The following INO80 variants were observed in gnomAD, a reference collection of about 807,000 sequenced individuals.
INO80 encodes the protein chromatin-remodeling ATPase INO80.
A neutral mutation model predicts 203.4 loss-of-function variants in INO80; 20 were observed. The ratio of observed to expected loss-of-function variants is 0.10; its 90% confidence interval spans 0.07 to 0.14. INO80 has a LOEUF of 0.14. INO80 is among the 10% of genes least tolerant of loss of function. The pLI is 1.00. For missense variants in INO80, 1,419 were observed against 1,914.4 expected (o/e 0.74, Z 4.83); for synonymous variants, 726 against 685.2 (o/e 1.06, Z -0.93).
intron 16 of INO80, among the ~76,000 whole-genome samples, chr15:41,057,470 A>G (rs2045008201): frequency 6.6e-6 from 1 of 151,166 alleles, no homozygotes; most frequent in African/African-American, 2.4e-5. Context: ...TCAAAAAAAA[A>G]AAAAAAAGAT....
chr15:41,033,490 A>AAAAC lies in INO80; in HGVS notation c.2908-5758_2908-5755dup, dbSNP rs538206225. The stretch of plus-strand genomic sequence containing the variant: ...GAGAGACAGAGTGAGACCCTGTCTC[A>AAAAC]AAACAAACAAACAAACAAAATCACA... On this transcript the variant is annotated intron_variant, in intron 24 of 35. Coordinates refer to ENST00000648947, the MANE Select transcript of INO80 (RefSeq NM_017553.3). Among the ~76,000 whole-genome samples, 222 of 152,168 alleles carry AAAAC rather than the reference A, an allele frequency of 1.5e-3. 3 individuals carry two copies. In the East Asian group the frequency reaches 0.018, roughly 12 times the overall value.
chr15:40,999,442 T>C (rs2043928394), intron 28 of INO80: 2 of 152,182 alleles, frequency 1.3e-5, no homozygotes, highest in South Asian at 4.1e-4. Flanking sequence ...ATCACTAAGG[T>C]AGGTATGTCC....
At chr15:41,089,607 G>C (rs889599581) in intron 5 of INO80, among the ~76,000 whole-genome samples, 1 of 152,194 alleles carries the variant, frequency 6.6e-6, no homozygotes, top group Non-Finnish European at 1.5e-5. Flanking sequence ...GCCAGGCGCA[G>C]TGGCGCATGC....
intron 35 of INO80, among the ~76,000 whole-genome samples, chr15:40,982,265 G>A (rs2140405025): frequency 6.6e-6 from 1 of 152,314 alleles, no homozygotes; most frequent in African/African-American, 2.4e-5. Flanking sequence ...TCGTGCCTCA[G>A]CCTCCCAAGT....
At chr15:41,062,809 T>C (rs1298613772) in intron 14 of INO80, among the ~76,000 whole-genome samples, 1 of 152,202 alleles carries the variant, frequency 6.6e-6, no homozygotes, top group Non-Finnish European at 1.5e-5. Context: ...GCCTCACTTT[T>C]TGACTTCTCA....
intron 29 of INO80, among the ~76,000 whole-genome samples, chr15:40,996,496 GT>G (rs535434780): frequency 1.3e-5 from 2 of 149,450 alleles, no homozygotes; most frequent in Non-Finnish European, 3.0e-5. Flanking sequence ...TATTTTTTTT[GT>G]TTTTTTTTGG....
intron 19 of INO80, among the ~76,000 whole-genome samples, chr15:41,053,404 T>C (rs1463698568): frequency 6.6e-6 from 1 of 152,060 alleles, no homozygotes; most frequent in Non-Finnish European, 1.5e-5. Context: ...CGTGCCCGGC[T>C]ACAAATTAAT....
chr15:41,031,453 G>T (rs1339567032), intron 24 of INO80, among the ~76,000 whole-genome samples: 1 of 131,838 alleles, frequency 7.6e-6, no homozygotes, highest in Non-Finnish European at 1.6e-5. Context: ...AGGAGGGGAA[G>T]GAAAAGAGAG....
intron 24 of INO80, among the ~76,000 whole-genome samples, chr15:41,035,398 T>C (rs562791673): frequency 6.6e-6 from 1 of 151,976 alleles, no homozygotes; most frequent in Non-Finnish European, 1.5e-5. Flanking sequence ...TAGTGGCACC[T>C]GCCTGTAATC....
chr15:41,092,075 T>C lies in INO80; in HGVS notation c.489A>G (p.Leu163=), dbSNP rs146658889. ...TTTGGTGAAGTTTCTTATATTTGTG[T>C]AGTCGAAGCATGTTGTGAAGTTCTT... ...SREELHNMLR[L]HKYKKLHQNK... Residue 163 remains leucine, a synonymous_variant, in exon 5 of 36, where the codon CTA becomes CTG. Transcript: ENST00000648947. The C allele has an allele frequency of 1.2e-6, 2 of 1,611,996 alleles. No homozygotes were observed. The highest frequency in any genetic ancestry group is 1.7e-6 in the Non-Finnish European group (2 of 1,178,222).
chr15:41,036,763 G>C (rs1185573973), intron 24 of INO80, among the ~76,000 whole-genome samples: 1 of 152,130 alleles, frequency 6.6e-6, no homozygotes, highest in African/African-American at 2.4e-5. Context: ...AAGGGAAGAT[G>C]AATTATATAA....
At chr15:41,081,666 A>C (rs2045486960) in intron 7 of INO80, among the ~76,000 whole-genome samples, 1 of 152,160 alleles carries the variant, frequency 6.6e-6, no homozygotes, top group South Asian at 2.1e-4. Context: ...TAAGGGGAAA[A>C]ACAAAAGTCA....
At chr15:40,987,699 TAGTTTCGTC>T (rs1450068796) in intron 30 of INO80, 108 bp downstream of exon 30, 2 of 970,824 alleles carry the variant, frequency 2.1e-6, no homozygotes, top group Non-Finnish European at 3.1e-6. Flanking sequence ...GAAGAAATTG[TAGTTTCGTC>T]AGGACCAATG....
rs776031122 is a variant in INO80, at chr15:41,045,040, T to C, written c.2771A>G (p.Tyr924Cys). ...LALFLSLKAS[Y>C]RLHQLRSWGA... Reference sequence around the variant, plus strand: ...CCAGGAGCGTAGCTGATGGAGCCTGTAGGAGGCTTTCAGAGACAGGAAAAG... The same window carrying C: ...CCAGGAGCGTAGCTGATGGAGCCTGCAGGAGGCTTTCAGAGACAGGAAAAG... The change falls in exon 24 of 36, where the codon TAC becomes TGC. Residue 924 changes from tyrosine (Y) to cysteine (C), a missense_variant. Tyr to Cys is a radical substitution (Grantham distance 194, BLOSUM62 -2). Transcript: ENST00000648947. The C allele has an allele frequency of 3.4e-5, 55 of 1,609,868 alleles. No homozygotes were observed. Among genetic ancestry groups the C allele is most frequent in the Non-Finnish European group, 4.7e-5 (55 of 1,178,934 alleles).
chr15:41,086,082 A>C (rs1342673758), intron 6 of INO80, among the ~76,000 whole-genome samples: 1 of 152,190 alleles, frequency 6.6e-6, no homozygotes. Flanking sequence ...AGTAATAGTC[A>C]AAGGAAGGAA....
At chr15:41,091,881 T>TTTTTTTTTTTTTTTTTTTTTTTTTTGA (rs2045649888) in intron 5 of INO80, 146 bp downstream of exon 5, 1 of 537,746 alleles carries the variant, frequency 1.9e-6, no homozygotes. Flanking sequence ...TTCAATTTCT[T>TTTTTTTTTTTTTTTTTTTTTTTTTTGA]GACCTCATGA....
At chr15:41,048,438 T>A (rs2044806041) in intron 21 of INO80, among the ~76,000 whole-genome samples, 162 bp from the exon 22 acceptor site, 1 of 152,082 alleles carries the variant, frequency 6.6e-6, no homozygotes, top group Non-Finnish European at 1.5e-5. Context: ...AGCATACATT[T>A]AAAAAAATAC....
chr15:41,061,448 T>C (rs1015381432), intron 14 of INO80, among the ~76,000 whole-genome samples: 1 of 39,880 alleles, frequency 2.5e-5, no homozygotes, highest in South Asian at 6.8e-4. Flanking sequence ...CTACCAAAAA[T>C]ACAAAAAAAA....
chr15:40,988,398 T>A (rs1187086299), intron 29 of INO80, among the ~76,000 whole-genome samples: 1 of 152,242 alleles, frequency 6.6e-6, no homozygotes, highest in Non-Finnish European at 1.5e-5. Flanking sequence ...TTTTGTAGTT[T>A]AGGAGAATGA....
Sources: allele counts gnomAD v4.1 joint callset (sites outside exome capture counted in the v4.1 genomes callset), GRCh38; gene constraint gnomAD v4.1.1; transcripts MANE v1.5; gene names NCBI Gene and HGNC (gene_info 2026-07-23, HGNC 2026-07-21).